MSRA: variants seen among roughly 807,000 people sequenced by gnomAD.
MSRA encodes the protein methionine sulfoxide reductase A, also known as mitochondrial peptide methionine sulfoxide reductase.
A neutral mutation model predicts 31.3 loss-of-function variants in MSRA; 54 were observed. The observed-to-expected ratio is 1.73, with a 90% CI of 1.39 to 2.17. The LOEUF is 2.17. MSRA is among the 30% of genes most tolerant of loss of function. MSRA has a pLI of 0.00. For synonymous variants in MSRA, 169 were observed against 116.5 expected (o/e 1.45, Z -2.90); for missense variants, 507 against 300.9 (o/e 1.69, Z -5.07).
At chr8:10,059,145 G>T (rs1294388362) in intron 1 of MSRA, 1 of 152,140 alleles carries the variant, frequency 6.6e-6, no homozygotes, top group Admixed American at 6.5e-5. Context: ...TTCAATAAAT[G>T]GTATTGGGAC....
At chr8:10,342,935 T>A (rs1466882411) in intron 5 of MSRA, among the ~76,000 whole-genome samples, 1 of 151,726 alleles carries the variant, frequency 6.6e-6, no homozygotes, top group Non-Finnish European at 1.5e-5. Context: ...AAAATGTGAA[T>A]AATAAAAAAT....
intron 5 of MSRA, among the ~76,000 whole-genome samples, chr8:10,408,166 C>T (rs1185336172): frequency 1.3e-5 from 2 of 152,122 alleles, no homozygotes; most frequent in Admixed American, 6.5e-5. Flanking sequence ...ATCCCTGGGA[C>T]GAGATGTGCA....
intron 1 of MSRA, among the ~76,000 whole-genome samples, chr8:10,123,913 A>G: frequency 6.6e-6 from 1 of 150,972 alleles, no homozygotes; most frequent in Admixed American, 6.6e-5. Flanking sequence ...CACCCAGGCT[A>G]GAGTGCAGTG....
chr8:10,352,078 C>G lies in MSRA; in HGVS notation c.543+32089C>G, dbSNP rs541856424. The stretch of plus-strand genomic sequence containing the variant: ...GGAGTTTGGAGAAGAGAGAAATGAG[C>G]TGGATGAAATAGCTTCCTAGCTCCT... On this transcript the variant is annotated intron_variant, in intron 5 of 5. Transcript: ENST00000317173. 1.6e-4 allele frequency among the ~76,000 whole-genome samples: 24 copies of G among 152,296 alleles called. 1 individual carries two copies. The South Asian group carries it at 4.4e-3, about 28-fold the overall frequency.
chr8:10,145,923 G>C (rs1346856643), intron 1 of MSRA, among the ~76,000 whole-genome samples: 3 of 152,174 alleles, frequency 2.0e-5, no homozygotes, highest in Non-Finnish European at 4.4e-5. Flanking sequence ...AAAAAACAAG[G>C]ATTTGGTGTG....
chr8:10,199,576 T>G (rs1279393739), intron 1 of MSRA, among the ~76,000 whole-genome samples: 1 of 152,180 alleles, frequency 6.6e-6, no homozygotes, highest in African/African-American at 2.4e-5. Flanking sequence ...CCAGTTTTTT[T>G]TTAATGAATA....
intron 1 of MSRA, among the ~76,000 whole-genome samples, chr8:10,178,860 G>A (rs1585103605): frequency 6.6e-6 from 1 of 152,144 alleles, no homozygotes; most frequent in Non-Finnish European, 1.5e-5. Flanking sequence ...GAGAACTACA[G>A]GATGGCACCA....
intron 5 of MSRA, among the ~76,000 whole-genome samples, chr8:10,365,803 G>A (rs903490601): frequency 2.0e-5 from 3 of 152,308 alleles, no homozygotes; most frequent in Non-Finnish European, 2.9e-5. Flanking sequence ...GAAGGCACTC[G>A]GAGGTAGAAC....
chr8:10,123,322 T>G (rs1177224343), intron 1 of MSRA, among the ~76,000 whole-genome samples: 1 of 152,262 alleles, frequency 6.6e-6, no homozygotes, highest in African/African-American at 2.4e-5. Flanking sequence ...TGCATGTATG[T>G]TGTCTATTGA....
At chr8:10,163,277 C>T (rs981792412) in intron 1 of MSRA, among the ~76,000 whole-genome samples, 3 of 152,174 alleles carry the variant, frequency 2.0e-5, no homozygotes, top group African/African-American at 4.8e-5. Context: ...ACTCAGACCA[C>T]GCTGTAGGAT....
intron 1 of MSRA, among the ~76,000 whole-genome samples, chr8:10,069,760 C>G (rs1014099939): frequency 2.0e-5 from 3 of 152,210 alleles, no homozygotes; most frequent in African/African-American, 7.2e-5. Context: ...AATTCAATTT[C>G]AACACCTGAA....
chr8:10,244,593 A>T (rs973023839), intron 2 of MSRA, among the ~76,000 whole-genome samples: 2 of 152,184 alleles, frequency 1.3e-5, no homozygotes, highest in African/African-American at 4.8e-5. Flanking sequence ...TATAGTGATT[A>T]AAAAAATGAA....
intron 1 of MSRA, among the ~76,000 whole-genome samples, chr8:10,079,151 T>C (rs1318755884): frequency 2.0e-5 from 3 of 152,056 alleles, no homozygotes; most frequent in African/African-American, 7.2e-5. Flanking sequence ...GCTCAGCATA[T>C]GATGTGGTAC....
chr8:10,304,649 A>G (rs536044899), intron 4 of MSRA, among the ~76,000 whole-genome samples: 5 of 152,304 alleles, frequency 3.3e-5, no homozygotes, highest in African/African-American at 7.2e-5. Flanking sequence ...GAACTTGGCT[A>G]TCACTCACTC....
At chr8:10,113,570 T>A (rs1800457689) in intron 1 of MSRA, among the ~76,000 whole-genome samples, 1 of 151,672 alleles carries the variant, frequency 6.6e-6, no homozygotes, top group Non-Finnish European at 1.5e-5. Context: ...AGTGGTGGGC[T>A]TGGAGATTTG....
At chr8:10,265,763 C>G (rs1216228736) in intron 3 of MSRA, among the ~76,000 whole-genome samples, 2 of 152,220 alleles carry the variant, frequency 1.3e-5, no homozygotes, top group Non-Finnish European at 2.9e-5. Context: ...CTCCCCCTGC[C>G]TTCCTCACCC....
At chr8:10,245,313 A>G in intron 3 of MSRA, 90 bp downstream of exon 3, 1 of 1,232,916 alleles carries the variant, frequency 8.1e-7, no homozygotes, top group South Asian at 1.5e-5. Context: ...AAATGGAAAT[A>G]TGTTTTTTTA....
intron 5 of MSRA, among the ~76,000 whole-genome samples, chr8:10,395,508 GA>G (rs1463377681): frequency 6.6e-6 from 1 of 152,276 alleles, no homozygotes; most frequent in East Asian, 1.9e-4. Flanking sequence ...ATGTATTTTA[GA>G]AAAATCAGTC....
Position 10,212,691 on chromosome 8 carries a change from A to C in MSRA, c.211+4790A>C, listed in dbSNP as rs138439595. Among the ~76,000 whole-genome samples, 374 of 152,248 alleles carry C rather than the reference A, an allele frequency of 2.5e-3. 10 individuals are homozygous for C. In the East Asian group the frequency reaches 0.043, roughly 18 times the overall value. On this transcript the variant is annotated intron_variant, in intron 2 of 5. Transcript: ENST00000317173. ...AATATTGTACTAATACTTTCCAGGGATGTAGGGTAATGAATTCTCCATTAC... is the reference window on the plus strand; with the variant it reads ...AATATTGTACTAATACTTTCCAGGGCTGTAGGGTAATGAATTCTCCATTAC...
Sources: allele counts gnomAD v4.1 joint callset (sites outside exome capture counted in the v4.1 genomes callset), GRCh38; gene constraint gnomAD v4.1.1; transcripts MANE v1.5; gene names NCBI Gene and HGNC (gene_info 2026-07-23, HGNC 2026-07-21).